The following SHTN1 variants were observed in gnomAD, a reference collection of about 807,000 sequenced individuals.
SHTN1 encodes shootin-1.
SHTN1 carries 42 observed loss-of-function variants against 83.1 expected under a neutral mutation model. The observed-to-expected ratio is 0.51, with a 90% CI of 0.39 to 0.65. The LOEUF (loss-of-function observed/expected upper bound fraction) is 0.65. Ranked by LOEUF, SHTN1 falls within the 30% of genes least tolerant of loss-of-function variation. SHTN1 has a pLI of 0.00. For synonymous variants in SHTN1, 224 were observed against 247.7 expected (o/e 0.90, Z 0.90); for missense variants, 622 against 737.8 (o/e 0.84, Z 1.82).
At chr10:117,105,846 T>C (rs1323465503) in intron 1 of SHTN1, among the ~76,000 whole-genome samples, 1 of 152,074 alleles carries the variant, frequency 6.6e-6, no homozygotes, top group Non-Finnish European at 1.5e-5. Context: ...AGTGAAACCC[T>C]GTCTCTACAA....
chr10:116,980,586 A>AG (rs1157327550), intron 1 of SHTN1, among the ~76,000 whole-genome samples: 1 of 152,138 alleles, frequency 6.6e-6, no homozygotes, highest in African/African-American at 2.4e-5. Context: ...TAAGAAAGAA[A>AG]AAAAAACAAA....
chr10:117,058,704 A>G (rs1418600394), intron 1 of SHTN1, among the ~76,000 whole-genome samples: 2 of 152,160 alleles, frequency 1.3e-5, no homozygotes, highest in African/African-American at 2.4e-5. Context: ...ATATTTGTAC[A>G]CCTATGTTCA....
Position 117,011,468 on chromosome 10 carries a change from T to A in SHTN1, c.-122-32160A>T, listed in dbSNP as rs555153697. On this transcript the variant is annotated intron_variant, in intron 2 of 17. Coordinates refer to the SHTN1 transcript ENST00000392901. The stretch of plus-strand genomic sequence containing the variant: ...CTATTAGTCAATATGTCTGTCCTTA[T>A]GCCAGTACCATCTCTATTCATAGAT... Among the ~76,000 whole-genome samples, 112 of 152,312 alleles carry A rather than the reference T, an allele frequency of 7.4e-4. 2 individuals carry two copies. The South Asian group carries it at 0.022, about 30-fold the overall frequency.
chr10:116,919,400 C>T (rs1009486252), intron 12 of SHTN1, among the ~76,000 whole-genome samples: 2 of 152,154 alleles, frequency 1.3e-5, no homozygotes, highest in African/African-American at 4.8e-5. Context: ...ATATTGGTAA[C>T]TCTACTTAGA....
chr10:116,960,224 T>C lies in SHTN1; in HGVS notation c.179A>G (p.His60Arg). 6.3e-7 allele frequency: 1 copy of C among 1,586,246 alleles called. No homozygotes were observed. Among genetic ancestry groups the C allele is most frequent in the Non-Finnish European group, 8.7e-7 (1 of 1,155,738 alleles). ...KKLEEFQKIS[H>R]MVIEEVNFMQ... is the part of the protein sequence containing the mutation. ...GAAATTAACTTCCTCTATGACCATG[T>C]GAGAAACTAGGAATGAGGGGGAAAA... The change falls in exon 4 of 17, where the codon CAC becomes CGC. Residue 60 changes from histidine (H) to arginine (R), a missense_variant. By Grantham distance (29) the His-to-Arg change is conservative (BLOSUM62 0). Transcript: ENST00000355371.
chr10:116,932,817 T>C (rs564212168), intron 9 of SHTN1, among the ~76,000 whole-genome samples: 1 of 152,302 alleles, frequency 6.6e-6, no homozygotes, highest in East Asian at 1.9e-4. Flanking sequence ...ATAATTTCAT[T>C]GATAACTTTA....
Position 116,901,771 on chromosome 10 carries a change from G to T in SHTN1, c.1667C>A (p.Thr556Lys), listed in dbSNP as rs957321262. The change falls in exon 16 of 17, where the codon ACG becomes AAG. Residue 556 changes from threonine to lysine, a missense_variant. Transcript: ENST00000355371. ...AAAGAGCATCGTTACTTACTGAAAC[G>T]TAACCTTGGAACTTGTGCATCCTTC... ...KLEGCTSSKV[T>K]FQPPSSIGCR... The T allele has an allele frequency of 6.3e-7, 1 of 1,593,654 alleles. No individual in the cohort carries two copies. Among genetic ancestry groups the T allele is most frequent in the East Asian group, 2.3e-5 (1 of 43,796 alleles).
chr10:117,000,659 T>C (rs1226000436), intron 1 of SHTN1, among the ~76,000 whole-genome samples: 1 of 152,202 alleles, frequency 6.6e-6, no homozygotes, highest in Non-Finnish European at 1.5e-5. Flanking sequence ...TTAGCAGACA[T>C]GTGTTGTCTG....
At chr10:116,938,218 T>C (rs987279332) in intron 9 of SHTN1, among the ~76,000 whole-genome samples, 1 of 151,768 alleles carries the variant, frequency 6.6e-6, no homozygotes, top group African/African-American at 2.4e-5. Flanking sequence ...TGGCGAGGAG[T>C]TGTGATCTTT....
At chr10:116,940,834 G>A (rs1411761545) in intron 8 of SHTN1, among the ~76,000 whole-genome samples, 3 of 151,828 alleles carry the variant, frequency 2.0e-5, no homozygotes, top group Admixed American at 6.6e-5. Flanking sequence ...ACAATAAGCT[G>A]GTCTTACTCT....
chr10:117,079,069 T>C (rs1036331982), intron 1 of SHTN1, among the ~76,000 whole-genome samples: 4 of 152,036 alleles, frequency 2.6e-5, no homozygotes, highest in African/African-American at 7.2e-5. Context: ...AGTTTTAGGG[T>C]ACATGTGCAC....
intron 1 of SHTN1, among the ~76,000 whole-genome samples, chr10:117,081,868 G>A (rs1853269718): frequency 1.3e-5 from 2 of 151,914 alleles, no homozygotes; most frequent in Admixed American, 1.3e-4. Flanking sequence ...ACTTCTGTGG[G>A]ATCGGTGGTG....
intron 1 of SHTN1, among the ~76,000 whole-genome samples, chr10:116,997,824 G>A (rs1400219566): frequency 6.6e-6 from 1 of 152,218 alleles, no homozygotes; most frequent in African/African-American, 2.4e-5. Flanking sequence ...CAGGCGCGAT[G>A]GCTCACGCCT....
At chr10:117,020,696 A>C (rs1852248320) in intron 2 of SHTN1, among the ~76,000 whole-genome samples, 1 of 152,128 alleles carries the variant, frequency 6.6e-6, no homozygotes, top group South Asian at 2.1e-4. Flanking sequence ...ATATACAGGA[A>C]AAAGATATGA....
intron 16 of SHTN1, among the ~76,000 whole-genome samples, chr10:116,889,323 AAAG>A (rs1847261359): frequency 6.6e-6 from 1 of 152,230 alleles, no homozygotes; most frequent in Non-Finnish European, 1.5e-5. Flanking sequence ...GTCTCAGTCC[AAAG>A]AACGATCTCC....
intron 2 of SHTN1, among the ~76,000 whole-genome samples, chr10:116,975,334 T>A (rs1045721081): frequency 6.6e-6 from 1 of 152,302 alleles, no homozygotes; most frequent in Middle Eastern, 3.4e-3. Context: ...TTGAAAAACC[T>A]AAGTGACATT....
chr10:117,019,528 A>C (rs547024506), intron 2 of SHTN1, among the ~76,000 whole-genome samples: 1 of 152,276 alleles, frequency 6.6e-6, no homozygotes, highest in Non-Finnish European at 1.5e-5. Flanking sequence ...AAAATTGTAC[A>C]ATATCTATAT....
Position 116,959,113 on chromosome 10 carries a change from C to T in SHTN1, c.267+1023G>A, listed in dbSNP as rs187478012. ...TGAAAATAGAATTCACACAACATTA[C>T]GGACTAGTGAACTCTAGGAATGTGC... On this transcript the variant is annotated intron_variant, in intron 4 of 16. Coordinates refer to ENST00000355371, the MANE Select transcript of SHTN1 (RefSeq NM_001127211.3). 8.5e-5 allele frequency among the ~76,000 whole-genome samples: 13 copies of T among 152,260 alleles called. No homozygotes were observed. The East Asian group carries it at 2.3e-3, about 27-fold the overall frequency.
At chr10:117,050,281 T>C (rs1374332476) in intron 1 of SHTN1, among the ~76,000 whole-genome samples, 1 of 152,070 alleles carries the variant, frequency 6.6e-6, no homozygotes, top group Non-Finnish European at 1.5e-5. Context: ...AGATAAAATA[T>C]ATAAATCATC....
Sources: allele counts gnomAD v4.1 joint callset (sites outside exome capture counted in the v4.1 genomes callset), GRCh38; gene constraint gnomAD v4.1.1; transcripts MANE v1.5; gene names NCBI Gene and HGNC (gene_info 2026-07-23, HGNC 2026-07-21).